The following MALRD1 variants were observed in gnomAD, a reference collection of about 807,000 sequenced individuals.
The protein encoded by MALRD1 is MAM and LDL receptor class A domain containing 1.
Under a neutral mutation model 242.1 loss-of-function variants are expected in MALRD1, and 247 were observed. That is an observed-to-expected ratio of 1.02 (90% CI 0.92 to 1.13). The LOEUF is 1.13. Ranked by LOEUF, MALRD1 falls within the 50% of genes most tolerant of loss-of-function variation. MALRD1 has a pLI of 0.00. For missense variants in MALRD1, 2,989 were observed against 2,533.1 expected, an observed-to-expected ratio of 1.18 and a Z score of -3.86; for synonymous variants, 995 against 866.6, an observed-to-expected ratio of 1.15 and a Z score of -2.60.
At chr10:19,225,937 T>C (rs1405909560) in intron 18 of MALRD1, among the ~76,000 whole-genome samples, 1 of 152,180 alleles carries the variant, frequency 6.6e-6, no homozygotes, top group East Asian at 1.9e-4. Context: ...CTGCCACAGG[T>C]AATGACAGCT....
intron 24 of MALRD1, among the ~76,000 whole-genome samples, chr10:19,344,768 G>C (rs762258073): frequency 1.3e-4 from 19 of 151,796 alleles, no homozygotes; most frequent in Non-Finnish European, 1.8e-4. Flanking sequence ...CCAATCATGA[G>C]CATAGTAGGT....
chr10:19,601,800 G>A (rs959672462), intron 34 of MALRD1, among the ~76,000 whole-genome samples: 1 of 151,900 alleles, frequency 6.6e-6, no homozygotes, highest in Non-Finnish European at 1.5e-5. Flanking sequence ...TAGAGGAAGG[G>A]TTCAAAATAT....
intron 12 of MALRD1, among the ~76,000 whole-genome samples, chr10:19,159,152 A>G (rs892723720): frequency 3.9e-5 from 6 of 152,178 alleles, no homozygotes; most frequent in Non-Finnish European, 8.8e-5. Context: ...AAGCTTGTTC[A>G]GGAAAAGAAT....
intron 29 of MALRD1, among the ~76,000 whole-genome samples, chr10:19,474,494 CT>C (rs1836638988): frequency 6.6e-6 from 1 of 152,004 alleles, no homozygotes; most frequent in Admixed American, 6.6e-5. Context: ...TTTTAATCTA[CT>C]ATACATTTCG....
At chr10:19,329,766 G>C (rs1843287334) in intron 23 of MALRD1, among the ~76,000 whole-genome samples, 2 of 152,188 alleles carry the variant, frequency 1.3e-5, no homozygotes, top group Non-Finnish European at 2.9e-5. Flanking sequence ...TCTGAAGAAA[G>C]ATACATTGTA....
intron 36 of MALRD1, among the ~76,000 whole-genome samples, chr10:19,679,753 A>G (rs914597076): frequency 6.6e-6 from 1 of 151,860 alleles, no homozygotes; most frequent in Non-Finnish European, 1.5e-5. Context: ...TAGGATGTCA[A>G]TTTGAGATCT....
At chr10:19,281,655 C>T (rs548533632) in intron 20 of MALRD1, among the ~76,000 whole-genome samples, 1 of 151,974 alleles carries the variant, frequency 6.6e-6, no homozygotes, top group Non-Finnish European at 1.5e-5. Flanking sequence ...GATTTTCTAA[C>T]TGATTTTGAA....
intron 13 of MALRD1, among the ~76,000 whole-genome samples, chr10:19,171,870 A>G (rs1160334017): frequency 2.8e-5 from 4 of 144,908 alleles, no homozygotes. Context: ...ATACATATAT[A>G]CACGTATATA....
chr10:19,445,977 C>T (rs1366350154), intron 28 of MALRD1, among the ~76,000 whole-genome samples: 1 of 152,190 alleles, frequency 6.6e-6, no homozygotes. Context: ...CTTTGTTTAC[C>T]TACTCAAGCC....
chr10:19,504,777 G>C (rs903200090), intron 31 of MALRD1, among the ~76,000 whole-genome samples: 2 of 146,746 alleles, frequency 1.4e-5, no homozygotes, highest in Admixed American at 1.4e-4. Context: ...CCGCTTCCCG[G>C]GTTCACGCCA....
chr10:19,127,124 A>G (rs902475998), intron 7 of MALRD1, among the ~76,000 whole-genome samples: 5 of 152,162 alleles, frequency 3.3e-5, no homozygotes, highest in African/African-American at 9.7e-5. Context: ...TCCATGGTGT[A>G]TATGTACCAC....
At chr10:19,371,939 A>T (rs920012998) in intron 26 of MALRD1, among the ~76,000 whole-genome samples, 6 of 152,164 alleles carry the variant, frequency 3.9e-5, no homozygotes, top group African/African-American at 1.4e-4. Context: ...TCCCACAGAT[A>T]TGAGTATACA....
In MALRD1 at chr10:19,387,721, C is replaced by G; in HGVS notation, c.4635C>G (p.Gly1545=). The part of the protein sequence containing the change: ...ADNFDWVLGV[G]SHQSLRPPKD... Reference sequence around the variant, plus strand: ...ACTTTGATTGGGTTTTAGGGGTTGGCTCTCATCAAAGCTTAAGACCTCCCA... The same window carrying G: ...ACTTTGATTGGGTTTTAGGGGTTGGGTCTCATCAAAGCTTAAGACCTCCCA... Residue 1545 remains glycine, a synonymous_variant, in exon 27 of 40, where the codon GGC becomes GGG. Coordinates refer to ENST00000454679, the MANE Select transcript of MALRD1 (RefSeq NM_001142308.3). The G allele has an allele frequency of 6.4e-7, 1 of 1,550,410 alleles. No individual in the cohort carries two copies. Among genetic ancestry groups the G allele is most frequent in the East Asian group, 2.4e-5 (1 of 40,878 alleles).
rs1187248291 is a variant in MALRD1 at position 19,315,585 on chromosome 10, T to TATTATTTA, written c.3420-8364_3420-8363insATTATTTA. On this transcript the variant is annotated intron_variant, in intron 21 of 39. Transcript: ENST00000454679. ...TTTATATAAATATATAAATTATAAA[T>TATTATTTA]TATAAATATTTATATAAATTATAAA... Among the ~76,000 whole-genome samples, 27 of 58,204 alleles carry TATTATTTA rather than the reference T, an allele frequency of 4.6e-4. 2 individuals are homozygous for TATTATTTA. The highest frequency in any genetic ancestry group is 1.7e-3 in the South Asian group (4 of 2,406). 38.2% of individuals were successfully genotyped at this position (58,204 alleles called of 152,430 possible).
intron 14 of MALRD1, among the ~76,000 whole-genome samples, chr10:19,200,645 G>GTTTT (rs71387053): frequency 1.4e-4 from 10 of 69,450 alleles, no homozygotes; most frequent in African/African-American, 3.5e-4. Flanking sequence ...CCTGCTTGAG[G>GTTTT]TTTTTTTTTT....
chr10:19,134,529 T>C (rs2686654), intron 9 of MALRD1, among the ~76,000 whole-genome samples: 106,637 of 150,114 alleles, frequency 0.71, 38,635 homozygotes, highest in East Asian at 1. Flanking sequence ...ACATGATATA[T>C]GGAATGTGTA....
At chr10:19,510,326 T>C (rs998533930) in intron 31 of MALRD1, among the ~76,000 whole-genome samples, 2 of 152,140 alleles carry the variant, frequency 1.3e-5, no homozygotes, top group Non-Finnish European at 2.9e-5. Context: ...TTACTAATCC[T>C]CCTCAGCACA....
chr10:19,709,399 G>A (rs1834009953), intron 38 of MALRD1, among the ~76,000 whole-genome samples: 1 of 151,982 alleles, frequency 6.6e-6, no homozygotes, highest in Non-Finnish European at 1.5e-5. Context: ...CTCTAGCCTG[G>A]GTGATAGAGC....
At chr10:19,589,312 T>A (rs1437684090) in intron 33 of MALRD1, among the ~76,000 whole-genome samples, 2 of 152,148 alleles carry the variant, frequency 1.3e-5, no homozygotes, top group Admixed American at 1.3e-4. Flanking sequence ...TAGCTGTATA[T>A]ATAGCTGTGA....
Sources: allele counts gnomAD v4.1 joint callset (sites outside exome capture counted in the v4.1 genomes callset), GRCh38; gene constraint gnomAD v4.1.1; transcripts MANE v1.5; gene names NCBI Gene and HGNC (gene_info 2026-07-23, HGNC 2026-07-21).